Variants in CACNA1A observed in about 807,000 individuals in gnomAD.
CACNA1A encodes the protein voltage-dependent P/Q-type calcium channel subunit alpha-1A.
A neutral mutation model predicts 262.4 loss-of-function variants in CACNA1A; 57 were observed. The ratio of observed to expected loss-of-function variants is 0.22; its 90% confidence interval spans 0.18 to 0.27. The LOEUF (loss-of-function observed/expected upper bound fraction) is 0.27, where lower values mean the gene tolerates loss of function less well. CACNA1A is among the 10% of genes least tolerant of loss of function. CACNA1A has a pLI of 1.00. For synonymous variants in CACNA1A, 1,431 were observed against 1,419.3 expected, an observed-to-expected ratio of 1.01 and a Z score of -0.18; for missense variants, 2,526 against 3,562.8, an observed-to-expected ratio of 0.71 and a Z score of 7.41.
intron 4 of CACNA1A, 144 bp downstream of exon 4, chr19:13,371,544 T>C: frequency 1.6e-6 from 1 of 630,440 alleles, no homozygotes; most frequent in Non-Finnish European, 2.8e-6. Flanking sequence ...CCTAGGGGGT[T>C]CCCTATAGGG....
At chr19:13,251,128 T>A (rs1410173755) in intron 30 of CACNA1A, among the ~76,000 whole-genome samples, 1 of 67,292 alleles carries the variant, frequency 1.5e-5, no homozygotes, top group Non-Finnish European at 2.5e-5. Context: ...CAAGACTGTG[T>A]CTCAAAAAAA....
chr19:13,478,248 G>A (rs1382955888), intron 1 of CACNA1A, among the ~76,000 whole-genome samples: 2 of 152,160 alleles, frequency 1.3e-5, no homozygotes, highest in African/African-American at 4.8e-5. Context: ...TCAGACTTGG[G>A]GTGAGTTGCT....
intron 3 of CACNA1A, among the ~76,000 whole-genome samples, chr19:13,440,074 C>T (rs2060688452): frequency 6.6e-6 from 1 of 152,214 alleles, no homozygotes; most frequent in South Asian, 2.1e-4. Context: ...ATCCTCCTGC[C>T]TCAGCCTCCT....
Position 13,212,944 on chromosome 19 carries a change from C to T in CACNA1A, c.5941-204G>A, listed in dbSNP as rs566746280. ...CCAAGTCATAGCCCCAGCCTGGTCCCACGTCCTCATCTCTCACTGCAGGCA... is the reference window on the plus strand; with the variant it reads ...CCAAGTCATAGCCCCAGCCTGGTCCTACGTCCTCATCTCTCACTGCAGGCA... On this transcript the variant is annotated intron_variant, in intron 40 of 46. Transcript: ENST00000360228. This position sits in a 1 kb window ranked among gnomAD's most constrained non-coding sequence, Gnocchi z 5.6. Among the ~76,000 whole-genome samples, 25 of 152,146 alleles carry T rather than the reference C, an allele frequency of 1.6e-4. No homozygotes were observed. The South Asian group carries it at 3.5e-3, about 21-fold the overall frequency.
At chr19:13,253,982 G>A (rs1194109742) in intron 29 of CACNA1A, among the ~76,000 whole-genome samples, 3 of 151,874 alleles carry the variant, frequency 2.0e-5, no homozygotes, top group East Asian at 1.9e-4. Context: ...CAAGTGATCC[G>A]CCTGCCTCGA....
At chr19:13,271,564 C>T (rs1475906370) in intron 24 of CACNA1A, 4 of 152,064 alleles carry the variant, frequency 2.6e-5, no homozygotes, top group African/African-American at 9.7e-5. Flanking sequence ...TTTTGGTTCG[C>T]TTTTGCAGAT....
chr19:13,384,042 T>G (rs1011035260), intron 3 of CACNA1A, among the ~76,000 whole-genome samples: 23 of 152,326 alleles, frequency 1.5e-4, no homozygotes, highest in Non-Finnish European at 1.2e-4. Context: ...GGTCTCAAAC[T>G]CCTGGATTCA....
chr19:13,426,012 T>C (rs1434058325), intron 3 of CACNA1A, among the ~76,000 whole-genome samples: 1 of 152,062 alleles, frequency 6.6e-6, no homozygotes, highest in Non-Finnish European at 1.5e-5. Flanking sequence ...GAACTGATAT[T>C]GCACCACTGC....
At chr19:13,499,232 C>A (rs1982051638) in intron 1 of CACNA1A, among the ~76,000 whole-genome samples, 1 of 152,018 alleles carries the variant, frequency 6.6e-6, no homozygotes, top group Admixed American at 6.6e-5. Flanking sequence ...AAAACTCCCT[C>A]ACCTTGTCAC....
intron 31 of CACNA1A, 176 bp downstream of exon 31, chr19:13,245,006 C>T (rs1275355879): frequency 4.9e-6 from 3 of 612,676 alleles, no homozygotes; most frequent in Non-Finnish European, 8.8e-6. Context: ...CAATGCCCTC[C>T]TGAGGGGCTG....
chr19:13,495,327 C>T (rs971118948), intron 1 of CACNA1A, among the ~76,000 whole-genome samples: 22 of 152,032 alleles, frequency 1.4e-4, no homozygotes, highest in African/African-American at 4.8e-4. Context: ...GATGGAGTCT[C>T]GTTCTGTCGC....
chr19:13,353,900 C>T (rs1380389901), intron 6 of CACNA1A, among the ~76,000 whole-genome samples: 1 of 152,194 alleles, frequency 6.6e-6, no homozygotes, highest in Non-Finnish European at 1.5e-5. Flanking sequence ...ATCACTTGTT[C>T]TCTTGTGTAG....
In CACNA1A at chr19:13,236,218, G is replaced by A. The variant is rs1358983618; in HGVS notation, c.4951-488C>T. Among the ~76,000 whole-genome samples the A allele has an allele frequency of 6.6e-6, 1 of 151,892 alleles. No individual in the cohort carries two copies. The highest frequency in any genetic ancestry group is 1.9e-4 in the East Asian group (1 of 5,152). On this transcript the variant is annotated intron_variant, in intron 31 of 46. Transcript: ENST00000360228. The surrounding 1 kb of genome is among the most constrained non-coding windows in gnomAD (Gnocchi z 4.6). ...TACGATGCACAAACACCAGGGCGGG[G>A]GTGGGGGTGGAGGTCGCCAGCACAG...
At chr19:13,287,740 G>A (rs1327776558) in intron 19 of CACNA1A, among the ~76,000 whole-genome samples, 1 of 150,910 alleles carries the variant, frequency 6.6e-6, no homozygotes, top group Non-Finnish European at 1.5e-5. Flanking sequence ...GACCTCAAGT[G>A]ATCCACCCAC....
chr19:13,311,997 C>T (rs1158655119), intron 12 of CACNA1A, among the ~76,000 whole-genome samples: 1 of 152,170 alleles, frequency 6.6e-6, no homozygotes, highest in African/African-American at 2.4e-5. Flanking sequence ...CAGGGACATT[C>T]TGGCCTGTGT....
chr19:13,338,462 G>A (rs934493857), intron 6 of CACNA1A, among the ~76,000 whole-genome samples: 3 of 152,122 alleles, frequency 2.0e-5, no homozygotes, highest in African/African-American at 7.2e-5. Flanking sequence ...TTACACAACA[G>A]AAAGCACACA....
At chr19:13,281,356 C>T (rs531895796) in intron 22 of CACNA1A, among the ~76,000 whole-genome samples, 3 of 134,124 alleles carry the variant, frequency 2.2e-5, no homozygotes, top group East Asian at 4.2e-4. Flanking sequence ...CCAACCTGGG[C>T]GACAGAGAGA....
chr19:13,207,835 CGCCCG>C lies in CACNA1A; in HGVS notation c.6994_6998del (p.Arg2332GlyfsTer169). The C allele has an allele frequency of 6.8e-7, 1 of 1,465,462 alleles. No homozygotes were observed. The highest frequency in any genetic ancestry group is 9.0e-7 in the Non-Finnish European group (1 of 1,115,440). 90.8% of individuals were successfully genotyped at this position (1,465,462 alleles called of 1,614,324 possible). A position where few individuals can be genotyped will look rare whatever the true frequency, so the allele number is the denominator to read the frequency against. The stretch of plus-strand genomic sequence containing the variant: ...GGTACCTCCGAGGGCCGCTGGTGGC[CGCCCG>C]GCCCGGCCTGGCCACCGCCTGCTGC... On this transcript the variant is annotated frameshift_variant, in exon 47 of 47. Coordinates refer to ENST00000360228, the MANE Select transcript of CACNA1A (RefSeq NM_001127222.2). LOFTEE classifies it low-confidence loss of function (END_TRUNC). This position sits in a 1 kb window ranked among gnomAD's most constrained non-coding sequence, Gnocchi z 5.7.
chr19:13,490,691 A>C (rs574072098), intron 1 of CACNA1A, among the ~76,000 whole-genome samples: 562 of 76,290 alleles, frequency 7.4e-3, no homozygotes, highest in African/African-American at 0.034. Context: ...AGAGAAAGAA[A>C]GGAAAGAAAG....
Sources: allele counts gnomAD v4.1 joint callset (sites outside exome capture counted in the v4.1 genomes callset), GRCh38; gene constraint gnomAD v4.1.1; non-coding constraint Gnocchi (gnomAD v3.1); transcripts MANE v1.5; gene names NCBI Gene and HGNC (gene_info 2026-07-23, HGNC 2026-07-21).